The following MTOR variants were observed in gnomAD, a reference collection of about 807,000 sequenced individuals.
MTOR encodes the protein mechanistic target of rapamycin kinase, also known as serine/threonine-protein kinase mTOR.
A neutral mutation model predicts 319.8 loss-of-function variants in MTOR; 70 were observed. The observed-to-expected ratio is 0.22, with a 90% CI of 0.18 to 0.27. MTOR has a LOEUF of 0.27. Ranked by LOEUF, MTOR falls within the 10% of genes least tolerant of loss-of-function variation. The pLI, the probability that MTOR is intolerant of heterozygous loss-of-function variation, is 1.00. For missense variants in MTOR, 1,890 were observed against 3,274.4 expected (o/e 0.58, Z 10.32); for synonymous variants, 1,183 against 1,211.4 (o/e 0.98, Z 0.49).
At chr1:11,116,541 C>T (rs1328913486) in intron 50 of MTOR, among the ~76,000 whole-genome samples, 1 of 152,140 alleles carries the variant, frequency 6.6e-6, no homozygotes, top group Non-Finnish European at 1.5e-5. Context: ...AATTCCTAGG[C>T]TCAAGTGATC....
Position 11,127,693 on chromosome 1 carries a change from C to T in MTOR, c.6147G>A (p.Glu2049=), listed in dbSNP as rs1371453230. The T allele has an allele frequency of 1.2e-6, 2 of 1,614,122 alleles. No homozygotes were observed. The highest frequency in any genetic ancestry group is 1.6e-4 in the Middle Eastern group (1 of 6,062). Residue 2049 remains glutamate, a synonymous_variant, in exon 44 of 58, where the codon GAG becomes GAA. Transcript: ENST00000361445. The surrounding 1 kb of genome is among the most constrained non-coding windows in gnomAD (Gnocchi z 5.5). The part of the protein sequence containing the change: ...FGERNVKGMF[E]VLEPLHAMME... Reference sequence around the variant, plus strand: ...TCATAGCATGCAAGGGCTCCAGCACCTCAAACATGCCTTTCACGTTCCTTT... The same window carrying T: ...TCATAGCATGCAAGGGCTCCAGCACTTCAAACATGCCTTTCACGTTCCTTT...
chr1:11,133,020 C>A lies in MTOR; in HGVS notation c.5364+60G>T. 1 of 1,430,034 alleles carries A rather than the reference C, an allele frequency of 7.0e-7. No individual in the cohort carries two copies. The highest frequency in any genetic ancestry group is 2.3e-5 in the East Asian group (1 of 43,930). 88.6% of individuals were successfully genotyped at this position (1,430,034 alleles called of 1,614,324 possible). On this transcript the variant is annotated intron_variant, in intron 38 of 57. Transcript: ENST00000361445. This position sits in a 1 kb window ranked among gnomAD's most constrained non-coding sequence, Gnocchi z 4.0. ...AGAAGCTCAGCTGTAACCACGAGCA[C>A]ACAGGAGGACACGAGCCAGCCAGGG...
intron 36 of MTOR, among the ~76,000 whole-genome samples, chr1:11,135,052 G>C (rs1643339189): frequency 6.6e-6 from 1 of 152,190 alleles, no homozygotes; most frequent in African/African-American, 2.4e-5. Context: ...AAAATCTCCA[G>C]AGCATCCTAA....
At chr1:11,142,805 C>T (rs1377130693) in intron 34 of MTOR, among the ~76,000 whole-genome samples, 1 of 152,078 alleles carries the variant, frequency 6.6e-6, no homozygotes, top group Non-Finnish European at 1.5e-5. Context: ...TAGAAGAGAC[C>T]CAGCGCCAGT....
intron 28 of MTOR, chr1:11,189,610 T>A (rs1424362803): frequency 6.2e-7 from 1 of 1,613,338 alleles, no homozygotes; most frequent in African/African-American, 1.3e-5. Context: ...AGCTGTGACC[T>A]GGCTCTGCAT....
Position 11,212,537 on chromosome 1 carries a change from G to C in MTOR, c.3399-63C>G. Reference sequence around the variant, plus strand: ...CAATCTCCAAGGAAGAGACGTGACTGAGGGTGAGCTTAACAATCAGCACCA... The same window carrying C: ...CAATCTCCAAGGAAGAGACGTGACTCAGGGTGAGCTTAACAATCAGCACCA... On this transcript the variant is annotated intron_variant, in intron 22 of 57. Transcript: ENST00000361445. This position sits in a 1 kb window ranked among gnomAD's most constrained non-coding sequence, Gnocchi z 4.1. 6.4e-7 allele frequency: 1 copy of C among 1,558,644 alleles called. No homozygotes were observed. Among genetic ancestry groups the C allele is most frequent in the Non-Finnish European group, 8.7e-7 (1 of 1,149,646 alleles).
At position 11,134,603 on chromosome 1, in the gene MTOR, T is replaced by G. The variant is rs1458870812; in HGVS notation, c.5131-137A>C. The stretch of plus-strand genomic sequence containing the variant: ...CCTAGAGCACAGAATGATGACCCCA[T>G]AGGACAGAGGACCAGGGCGTGATAC... On this transcript the variant is annotated intron_variant, in intron 36 of 57. Coordinates refer to ENST00000361445, the MANE Select transcript of MTOR (RefSeq NM_004958.4). 4.5e-6 allele frequency: 3 copies of G among 666,258 alleles called. No homozygotes were observed. In the African/African-American group the frequency reaches 5.4e-5, roughly 12 times the overall value. The allele number at this position is 666,258 out of a possible 1,614,324, so 41.3% of individuals were successfully genotyped here.
rs377206142 is a variant in MTOR at position 11,167,422 on chromosome 1, A to C, written c.4329+20T>G. On this transcript the variant is annotated intron_variant, in intron 29 of 57. Coordinates refer to ENST00000361445, the MANE Select transcript of MTOR (RefSeq NM_004958.4). ...CCAAGTCTCTACCTCCTGCTTTTCC[A>C]AAAAGAATGAGGTGCTTACCAGCTC... The C allele has an allele frequency of 1.1e-5, 18 of 1,607,160 alleles. No individual in the cohort carries two copies. The African/African-American group carries it at 2.0e-4, about 18-fold the overall frequency.
rs41274520 is a variant in MTOR at position 11,150,393 on chromosome 1, G to T, written c.4470-167C>A. Among the ~76,000 whole-genome samples the T allele has an allele frequency of 0.014, 2,127 of 152,274 alleles. 22 individuals carry two copies. Among genetic ancestry groups the T allele is most frequent in the Non-Finnish European group, 0.023 (1,588 of 68,010 alleles). ...ATAGAGAATCAATGGGCTATTTGTT[G>T]TTTCTATGACCCGGTGCTCGTAATT... On this transcript the variant is annotated intron_variant, in intron 30 of 57. Transcript: ENST00000361445.
chr1:11,128,187 G>T lies in MTOR; in HGVS notation c.5911-61C>A. 6.3e-7 allele frequency: 1 copy of T among 1,593,292 alleles called. No individual in the cohort carries two copies. Among genetic ancestry groups the T allele is most frequent in the Non-Finnish European group, 8.6e-7 (1 of 1,168,922 alleles). ...ATGTGGGTTGGGGAAGAGCTGGTAT[G>T]AATTTTAAGGAGAATAACAAAACAA... On this transcript the variant is annotated intron_variant, in intron 42 of 57. Transcript: ENST00000361445. The surrounding 1 kb of genome is among the most constrained non-coding windows in gnomAD (Gnocchi z 5.3).
intron 30 of MTOR, among the ~76,000 whole-genome samples, chr1:11,155,494 T>C (rs1179627895): frequency 6.6e-6 from 1 of 152,148 alleles, no homozygotes; most frequent in Admixed American, 6.5e-5. Flanking sequence ...ATTTTGACCT[T>C]CCCCTGAAGG....
At position 11,107,407 on chromosome 1, in the gene MTOR, T is replaced by C. The variant is rs1233862524; in HGVS notation, c.*78A>G. On this transcript the variant is annotated 3_prime_UTR_variant, in exon 58 of 58. Coordinates refer to ENST00000361445, the MANE Select transcript of MTOR (RefSeq NM_004958.4). ...TTAACAAAGTCAAACTTTCTCACCA[T>C]GGTTTCAGTTTAGTGGAAGCATTTA... The C allele has an allele frequency of 1.9e-6, 3 of 1,572,874 alleles. No homozygotes were observed. Among genetic ancestry groups the C allele is most frequent in the African/African-American group, 1.4e-5 (1 of 72,256 alleles).
chr1:11,122,363 C>T (rs1188570262), intron 47 of MTOR, among the ~76,000 whole-genome samples: 2 of 151,436 alleles, frequency 1.3e-5, no homozygotes, highest in African/African-American at 2.4e-5. Flanking sequence ...GCCACCATGC[C>T]CAACTAATCT....
At chr1:11,201,640 TA>T (rs948646358) in intron 26 of MTOR, among the ~76,000 whole-genome samples, 141 of 152,238 alleles carry the variant, frequency 9.3e-4, no homozygotes, top group African/African-American at 2.8e-3. Context: ...AAGAAGAGAA[TA>T]AAAAAGAAAA....
chr1:11,253,735 TC>T, intron 6 of MTOR, 103 bp downstream of exon 6: 1 of 1,302,918 alleles, frequency 7.7e-7, no homozygotes, highest in Admixed American at 2.0e-5. Context: ...TTATTATGTT[TC>T]CTGCCACAAA....
At chr1:11,225,246 T>TA (rs1263873503) in intron 19 of MTOR, among the ~76,000 whole-genome samples, 1 of 152,146 alleles carries the variant, frequency 6.6e-6, no homozygotes, top group African/African-American at 2.4e-5. Context: ...CCACATATCT[T>TA]ACGGTATGTA....
chr1:11,250,538 C>G (rs192180327), intron 6 of MTOR, among the ~76,000 whole-genome samples: 26 of 152,312 alleles, frequency 1.7e-4, no homozygotes, highest in Non-Finnish European at 3.4e-4. Context: ...CTGGCTGTTC[C>G]TTCCCCATCT....
At chr1:11,147,988 A>C (rs1041571878) in intron 31 of MTOR, among the ~76,000 whole-genome samples, 1 of 152,226 alleles carries the variant, frequency 6.6e-6, no homozygotes, top group Admixed American at 6.5e-5. Context: ...AAATGTTTGT[A>C]ATTGCTGGAA....
chr1:11,198,122 A>G (rs1016786693), intron 28 of MTOR, among the ~76,000 whole-genome samples: 3 of 152,242 alleles, frequency 2.0e-5, no homozygotes, highest in African/African-American at 7.2e-5. Context: ...TAAAGTGATC[A>G]TACTTAGTTA....
Sources: gnomAD v4.1 joint callset for allele counts (sites outside exome capture counted in the v4.1 genomes callset) on GRCh38, gnomAD v4.1.1 for gene constraint, Gnocchi (gnomAD v3.1) non-coding constraint, MANE v1.5 for transcripts, NCBI Gene and HGNC (gene_info 2026-07-23, HGNC 2026-07-21) for gene names.